Variants in TNPO1 observed in about 807,000 individuals in gnomAD.
TNPO1 encodes transportin-1.
Under a neutral mutation model 119.5 loss-of-function variants are expected in TNPO1, and 8 were observed. The ratio of observed to expected loss-of-function variants is 0.07; its 90% CI spans 0.04 to 0.12. TNPO1 has a LOEUF of 0.12. TNPO1 is among the 10% of genes least tolerant of loss of function. The probability of loss-of-function intolerance (pLI) is 1.00; values close to 1 mark genes in which losing one functional copy is unlikely to be tolerated. For synonymous variants in TNPO1, 362 were observed against 363.0 expected (o/e 1.00, Z 0.03); for missense variants, 576 against 1,089.8 (o/e 0.53, Z 6.64).
In TNPO1 at chr5:72,905,423, A is replaced by C. The variant is rs768850943; in HGVS notation, c.*13A>C. On this transcript the variant is annotated 3_prime_UTR_variant, in exon 24 of 25. Coordinates refer to ENST00000337273, the MANE Select transcript of TNPO1 (RefSeq NM_002270.4). Reference sequence around the variant, plus strand: ...TTATGGTGTTTAATCTAATACACTTAAGCTGCAGTCCCAAAATTAGGGGTA... The same window carrying C: ...TTATGGTGTTTAATCTAATACACTTCAGCTGCAGTCCCAAAATTAGGGGTA... 1 of 1,564,480 alleles carries C rather than the reference A, an allele frequency of 6.4e-7. No individual in the cohort carries two copies. Among genetic ancestry groups the C allele is most frequent in the Non-Finnish European group, 8.7e-7 (1 of 1,152,016 alleles).
intron 11 of TNPO1, among the ~76,000 whole-genome samples, chr5:72,886,589 A>C (rs984398215): frequency 2.6e-5 from 4 of 152,200 alleles, no homozygotes; most frequent in African/African-American, 9.7e-5. Context: ...TGTCATAAAA[A>C]ATATTCATCT....
In TNPO1 at chr5:72,825,423, T is replaced by TA. The variant is rs562157246; in HGVS notation, c.15+8672dup. Among the ~76,000 whole-genome samples, 10 of 152,198 alleles carry TA rather than the reference T, an allele frequency of 6.6e-5. No homozygotes were observed. The South Asian group carries it at 2.1e-3, about 32-fold the overall frequency. On this transcript the variant is annotated intron_variant, in intron 1 of 24. Transcript: ENST00000337273. The stretch of plus-strand genomic sequence containing the variant: ...GTCCTAGAGGCCAGGTGCGGTGGCT[T>TA]ATGTCCGTAATCCCAGCACTTTGGG...
chr5:72,822,619 G>A (rs1455723575), intron 1 of TNPO1, among the ~76,000 whole-genome samples: 1 of 145,266 alleles, frequency 6.9e-6, no homozygotes, highest in African/African-American at 2.6e-5. Flanking sequence ...TGGAGATGGA[G>A]TCTCGCTCTG....
chr5:72,911,369 T>G lies in TNPO1; in HGVS notation c.*2696T>G, dbSNP rs893016428. The G allele has an allele frequency of 5.9e-5, 9 of 152,416 alleles. No individual in the cohort carries two copies. Among genetic ancestry groups the G allele is most frequent in the Non-Finnish European group, 1.2e-4 (8 of 67,922 alleles). 9.4% of individuals were successfully genotyped at this position (152,416 alleles called of 1,614,324 possible). A position where few individuals can be genotyped will look rare whatever the true frequency, so the allele number is the denominator to read the frequency against. ...TTAATTTGAAAATAGAAAATAAAAT[T>G]AGGTAAATATGACTGGCAACCTGAA... On this transcript the variant is annotated 3_prime_UTR_variant, in exon 25 of 25. Coordinates refer to ENST00000337273, the MANE Select transcript of TNPO1 (RefSeq NM_002270.4).
At chr5:72,828,542 G>A (rs1014662558) in intron 1 of TNPO1, among the ~76,000 whole-genome samples, 1 of 152,012 alleles carries the variant, frequency 6.6e-6, no homozygotes, top group African/African-American at 2.4e-5. Context: ...AATTTTTGGG[G>A]GGTCATTTGA....
At chr5:72,840,040 A>C (rs144011606) in intron 1 of TNPO1, among the ~76,000 whole-genome samples, 12 of 152,322 alleles carry the variant, frequency 7.9e-5, no homozygotes, top group Non-Finnish European at 1.3e-4. Context: ...ATCTGAAGTG[A>C]TTGACCTGAA....
chr5:72,832,930 A>G (rs983435724), intron 1 of TNPO1, among the ~76,000 whole-genome samples: 1 of 152,064 alleles, frequency 6.6e-6, no homozygotes, highest in African/African-American at 2.4e-5. Flanking sequence ...TAGACTTCCT[A>G]CCTTTCAGAG....
intron 5 of TNPO1, among the ~76,000 whole-genome samples, chr5:72,865,306 A>G (rs1472075596): frequency 6.6e-6 from 1 of 151,724 alleles, no homozygotes; most frequent in African/African-American, 2.4e-5. Flanking sequence ...GCCGGGCACA[A>G]TGGCAGGCAC....
Position 72,913,781 on chromosome 5 carries a change from G to T in TNPO1, c.*5108G>T, listed in dbSNP as rs141591501. Reference sequence around the variant, plus strand: ...TCCACTGTACTTTCCGCATATTACTGTGTTGTTGTTTTCCTTTGTGGATAT... The same window carrying T: ...TCCACTGTACTTTCCGCATATTACTTTGTTGTTGTTTTCCTTTGTGGATAT... On this transcript the variant is annotated 3_prime_UTR_variant, in exon 25 of 25. Transcript: ENST00000337273. The T allele has an allele frequency of 2.0e-3, 300 of 152,612 alleles. 3 individuals are homozygous for T. Among genetic ancestry groups the T allele is most frequent in the African/African-American group, 7.0e-3 (290 of 41,558 alleles). 9.5% of individuals were successfully genotyped at this position (152,612 alleles called of 1,614,324 possible). A position where few individuals can be genotyped will look rare whatever the true frequency, so the allele number is the denominator to read the frequency against.
At chr5:72,858,925 A>G (rs1466229482) in intron 4 of TNPO1, among the ~76,000 whole-genome samples, 2 of 148,160 alleles carry the variant, frequency 1.3e-5, no homozygotes, top group Admixed American at 6.7e-5. Context: ...ATTTAAACAC[A>G]TTGGTGCTTT....
intron 23 of TNPO1, among the ~76,000 whole-genome samples, chr5:72,904,124 C>A (rs1260226088): frequency 6.6e-6 from 1 of 152,096 alleles, no homozygotes; most frequent in East Asian, 1.9e-4. Context: ...TAAATGGCTG[C>A]CACAGGAGTA....
chr5:72,829,511 G>A (rs899217586), intron 1 of TNPO1, among the ~76,000 whole-genome samples: 8 of 152,228 alleles, frequency 5.3e-5, no homozygotes, highest in East Asian at 1.9e-4. Context: ...CAGAACTACC[G>A]TTGAACAATC....
At chr5:72,831,094 A>G (rs1311733946) in intron 1 of TNPO1, among the ~76,000 whole-genome samples, 7 of 152,104 alleles carry the variant, frequency 4.6e-5, no homozygotes, top group African/African-American at 1.7e-4. Context: ...TAACATAAGT[A>G]CTTTAGATTT....
At chr5:72,898,010 G>A (rs1370324261) in intron 20 of TNPO1, among the ~76,000 whole-genome samples, 1 of 151,958 alleles carries the variant, frequency 6.6e-6, no homozygotes, top group Non-Finnish European at 1.5e-5. Flanking sequence ...AATGTTTATT[G>A]GTATGGAAGG....
rs1212718499 is a variant in TNPO1, at chr5:72,872,645, C to T, written c.603C>T (p.His201=). 4.4e-6 allele frequency: 7 copies of T among 1,607,020 alleles called. No homozygotes were observed. The highest frequency in any genetic ancestry group is 4.2e-6 in the Non-Finnish European group (5 of 1,176,650). ...FKHSSPKIRS[H]AVACVNQFII... ...TTTTAAACTTTGTTTCTAGGTCTCA[C>T]GCTGTTGCATGTGTCAATCAGTTTA... Residue 201 remains histidine (H), a synonymous_variant, in exon 7 of 25, where the codon CAC becomes CAT. Transcript: ENST00000337273.
chr5:72,831,041 C>T (rs553852016), intron 1 of TNPO1, among the ~76,000 whole-genome samples: 39 of 152,180 alleles, frequency 2.6e-4, no homozygotes, highest in South Asian at 1.5e-3. Context: ...CATTAGTTTT[C>T]TTCGGCAGAA....
intron 11 of TNPO1, among the ~76,000 whole-genome samples, chr5:72,884,226 C>T (rs566165837): frequency 1.3e-5 from 2 of 152,192 alleles, no homozygotes; most frequent in Admixed American, 1.3e-4. Flanking sequence ...TGCTCACTTG[C>T]TTTATTATCT....
rs1486006794 is a variant in TNPO1, at chr5:72,816,699, C to T, written c.-39C>T. On this transcript the variant is annotated 5_prime_UTR_variant, in exon 1 of 25. Coordinates refer to ENST00000337273, the MANE Select transcript of TNPO1 (RefSeq NM_002270.4). ...TTCAGGCCCCGGACAGGAGGCAGTG[C>T]CGCTTCGGCCGAAGGCCCGAGCGCC... The T allele has an allele frequency of 1.3e-6, 2 of 1,555,034 alleles. No individual in the cohort carries two copies. Among genetic ancestry groups the T allele is most frequent in the African/African-American group, 2.8e-5 (2 of 71,342 alleles).
Position 72,882,521 on chromosome 5 carries a change from A to C in TNPO1, c.975A>C (p.Leu325=), listed in dbSNP as rs761760408. The C allele has an allele frequency of 1.2e-6, 2 of 1,607,970 alleles. No individual in the cohort carries two copies. The highest frequency in any genetic ancestry group is 2.2e-5 in the East Asian group (1 of 44,696). ...GMKYSDIDII[L]LKGDVEEDET... Reference sequence around the variant, plus strand: ...AGTACTCAGACATAGATATTATCCTACTTAAGGTAAGGAAGCTTTTTTGAT... The same window carrying C: ...AGTACTCAGACATAGATATTATCCTCCTTAAGGTAAGGAAGCTTTTTTGAT... Residue 325 remains leucine, a synonymous_variant, in exon 10 of 25, where the codon CTA becomes CTC. Transcript: ENST00000337273.
Sources: gnomAD v4.1 joint callset for allele counts (sites outside exome capture counted in the v4.1 genomes callset) on GRCh38, gnomAD v4.1.1 for gene constraint, MANE v1.5 for transcripts, NCBI Gene and HGNC (gene_info 2026-07-23, HGNC 2026-07-21) for gene names.